CDC42BPB: variants seen among roughly 807,000 people sequenced by gnomAD.
CDC42BPB encodes serine/threonine-protein kinase MRCK beta.
Under a neutral mutation model 214.9 loss-of-function variants are expected in CDC42BPB, and 37 were observed. The ratio of observed to expected loss-of-function variants is 0.17; its 90% CI spans 0.13 to 0.23. The LOEUF (loss-of-function observed/expected upper bound fraction) is 0.23, where lower values mean the gene tolerates loss of function less well. Among genes scored for constraint, CDC42BPB ranks in the 10% least tolerant of loss-of-function variants. CDC42BPB has a pLI of 1.00. For missense variants in CDC42BPB, 1,694 were observed against 2,227.0 expected (o/e 0.76, Z 4.82); for synonymous variants, 931 against 884.0 (o/e 1.05, Z -0.94).
chr14:102,987,664 C>T (rs1330541041), intron 5 of CDC42BPB, among the ~76,000 whole-genome samples: 2 of 152,056 alleles, frequency 1.3e-5, no homozygotes, highest in East Asian at 1.9e-4. Context: ...AACACAAAAC[C>T]AGAAACAAAA....
chr14:102,987,788 A>ACACACACAC (rs1894312194), intron 5 of CDC42BPB, among the ~76,000 whole-genome samples: 25 of 140,844 alleles, frequency 1.8e-4, no homozygotes, highest in African/African-American at 6.4e-4. Context: ...CAAACACACA[A>ACACACACAC]ACACACACAC....
chr14:102,950,338 G>T, intron 25 of CDC42BPB, 128 bp downstream of exon 25: 1 of 1,262,314 alleles, frequency 7.9e-7, no homozygotes, highest in Non-Finnish European at 1.1e-6. Context: ...AGGAGGGTAA[G>T]CCCCCTAGGA....
intron 21 of CDC42BPB, among the ~76,000 whole-genome samples, chr14:102,959,243 G>C (rs1315041764): frequency 6.7e-6 from 1 of 149,920 alleles, no homozygotes; most frequent in East Asian, 2.0e-4. Flanking sequence ...GTTGCAGTGA[G>C]CCAAGATCAT....
Position 102,933,729 on chromosome 14 carries a change from G to A in CDC42BPB, c.5119C>T (p.Pro1707Ser), listed in dbSNP as rs752816236. Residue 1707 changes from proline (P) to serine (S), a missense_variant, in exon 37 of 37, where the codon CCG (proline) becomes TCG (serine). Pro to Ser is a moderately conservative substitution (Grantham distance 74). Around this residue, in one of 7 missense-constraint regions of CDC42BPB, gnomAD observed 146 missense variants for 134.1 expected, o/e 1.09. Transcript: ENST00000361246. ...SQLPLEGLEQ[P>S]ACDT ...TGGCGGCTTCAGGTGTCACAGGCCG[G>A]CTGCTCCAGGCCTTCGAGGGGGAGC... The A allele has an allele frequency of 6.8e-7, 1 of 1,480,424 alleles. No homozygotes were observed. Among genetic ancestry groups the A allele is most frequent in the South Asian group, 1.4e-5 (1 of 69,846 alleles). 91.7% of individuals were successfully genotyped at this position (1,480,424 alleles called of 1,614,324 possible).
intron 13 of CDC42BPB, 149 bp downstream of exon 13, chr14:102,971,770 A>G: frequency 1.3e-6 from 1 of 764,824 alleles, no homozygotes; most frequent in Non-Finnish European, 2.1e-6. Context: ...TGAGAACAAC[A>G]AAATAAATGC....
chr14:103,048,583 C>T (rs1367703678), intron 1 of CDC42BPB, among the ~76,000 whole-genome samples: 3 of 141,270 alleles, frequency 2.1e-5, no homozygotes, highest in African/African-American at 5.3e-5. Flanking sequence ...TGGTGGCGGG[C>T]GCCTGTAGTC....
chr14:103,049,747 CTT>C (rs990821609), intron 1 of CDC42BPB, among the ~76,000 whole-genome samples: 3 of 152,208 alleles, frequency 2.0e-5, no homozygotes, highest in Admixed American at 6.5e-5. Context: ...AAATTTTGCT[CTT>C]GTTGCCCACG....
At chr14:102,971,569 G>T (rs1282600090) in intron 13 of CDC42BPB, among the ~76,000 whole-genome samples, 1 of 152,236 alleles carries the variant, frequency 6.6e-6, no homozygotes, top group Non-Finnish European at 1.5e-5. Context: ...TGGGATTCCA[G>T]GCGTGAGCCC....
chr14:103,029,536 CTG>C (rs1491080716), intron 1 of CDC42BPB, among the ~76,000 whole-genome samples: 1 of 145,986 alleles, frequency 6.8e-6, no homozygotes, highest in Non-Finnish European at 1.5e-5. Context: ...GAGCAAGACT[CTG>C]TCTCAAAGGA....
intron 34 of CDC42BPB, among the ~76,000 whole-genome samples, chr14:102,939,288 C>G (rs551737060): frequency 4.6e-5 from 7 of 152,324 alleles, no homozygotes; most frequent in African/African-American, 1.7e-4. Flanking sequence ...TCTGTTGGTA[C>G]GAAGGTGTTA....
At position 103,047,954 on chromosome 14, in the gene CDC42BPB, T is replaced by C. The variant is rs186600564; in HGVS notation, c.175+9045A>G. On this transcript the variant is annotated intron_variant, in intron 1 of 36. Coordinates refer to ENST00000361246, the MANE Select transcript of CDC42BPB (RefSeq NM_006035.4). ...CCTGGTTCAAAAAATTCACCTCCGA[T>C]GAATTCTTTCTCAGGAAGCTACTAG... is the stretch of plus-strand genomic sequence containing the variant. Among the ~76,000 whole-genome samples, 10 of 150,878 alleles carry C rather than the reference T, an allele frequency of 6.6e-5. No individual in the cohort carries two copies. In the East Asian group the frequency reaches 1.9e-3, roughly 29 times the overall value.
At chr14:102,981,080 G>A (rs572801453) in intron 7 of CDC42BPB, 59 bp from the exon 8 acceptor site, 3 of 1,602,266 alleles carry the variant, frequency 1.9e-6, no homozygotes, top group South Asian at 2.2e-5. Context: ...AGTTTAAGGT[G>A]TACAGATATG....
At chr14:103,055,972 T>A (rs1487525786) in intron 1 of CDC42BPB, among the ~76,000 whole-genome samples, 3 of 152,262 alleles carry the variant, frequency 2.0e-5, no homozygotes, top group Non-Finnish European at 4.4e-5. Flanking sequence ...TTCCTCCTCC[T>A]ACTCAGTGGT....
rs528455993 is a variant in CDC42BPB at position 102,944,114 on chromosome 14, G to A, written c.4185C>T (p.Cys1395=). The change falls in exon 30 of 37, where the codon TGC becomes TGT. Residue 1395 remains cysteine, a synonymous_variant. Coordinates refer to ENST00000361246, the MANE Select transcript of CDC42BPB (RefSeq NM_006035.4). This position sits in a 1 kb window ranked among gnomAD's most constrained non-coding sequence, Gnocchi z 6.6. ...RLCVGYPSGF[C]LLSIQGDGQP... ...GCCCGTCCCCCTGGATGCTCAGCAG[G>A]CAGAACCCAGAAGGGTAGCCCACAC... The A allele has an allele frequency of 6.2e-7, 1 of 1,613,306 alleles. No individual in the cohort carries two copies. The highest frequency in any genetic ancestry group is 1.7e-5 in the Admixed American group (1 of 60,028).
At chr14:103,053,569 G>A (rs1190220) in intron 1 of CDC42BPB, among the ~76,000 whole-genome samples, 3 of 151,264 alleles carry the variant, frequency 2.0e-5, no homozygotes, top group African/African-American at 4.9e-5. Flanking sequence ...AGACCATCCT[G>A]GCTAACACGG....
intron 36 of CDC42BPB, among the ~76,000 whole-genome samples, chr14:102,935,658 C>T (rs942779492): frequency 4.0e-5 from 6 of 149,940 alleles, no homozygotes; most frequent in African/African-American, 1.5e-4. Context: ...GGTATGGTGG[C>T]GGGCACCTGT....
chr14:102,948,818 G>A (rs988134010), intron 26 of CDC42BPB, among the ~76,000 whole-genome samples: 2 of 151,950 alleles, frequency 1.3e-5, no homozygotes, highest in Admixed American at 6.6e-5. Context: ...CCTGACTTGG[G>A]CTCATGCCAA....
intron 26 of CDC42BPB, 154 bp from the exon 27 acceptor site, chr14:102,947,956 G>A (rs17101096): frequency 0.045 from 44,114 of 983,728 alleles, 1,125 homozygotes; most frequent in African/African-American, 0.092. Context: ...TAAGAAACAC[G>A]GGCAGGGCCA....
intron 23 of CDC42BPB, 99 bp downstream of exon 23, chr14:102,954,095 CTAAG>C (rs35989788): frequency 8.4e-6 from 7 of 835,860 alleles, no homozygotes; most frequent in African/African-American, 3.4e-5. Flanking sequence ...GCAAAAATGA[CTAAG>C]TATGTTTTAT....
Sources: allele counts gnomAD v4.1 joint callset (sites outside exome capture counted in the v4.1 genomes callset), GRCh38; gene constraint gnomAD v4.1.1; regional missense constraint gnomAD v4.1.1; non-coding constraint Gnocchi (gnomAD v3.1); transcripts MANE v1.5; gene names NCBI Gene and HGNC (gene_info 2026-07-23, HGNC 2026-07-21).